Variants in CDH23 observed in about 807,000 individuals in gnomAD.
The protein encoded by CDH23 is cadherin-23.
In CDH23, 189 loss-of-function variants were observed where a neutral mutation model predicts 317.1. The observed-to-expected ratio is 0.60, with a 90% CI of 0.53 to 0.67. The LOEUF (loss-of-function observed/expected upper bound fraction) is 0.67, where lower values mean the gene tolerates loss of function less well. CDH23 is among the 30% of genes least tolerant of loss of function. CDH23 has a pLI of 0.00. For missense variants in CDH23, 4,401 were observed against 4,592.4 expected, an observed-to-expected ratio of 0.96 and a Z score of 1.20; for synonymous variants, 1,839 against 1,876.8, an observed-to-expected ratio of 0.98 and a Z score of 0.52.
intron 38 of CDH23, among the ~76,000 whole-genome samples, chr10:71,743,263 C>G (rs1199049393): frequency 4.6e-5 from 7 of 152,182 alleles, no homozygotes; most frequent in Non-Finnish European, 1.0e-4. Context: ...GTTTTGTAAT[C>G]TGTCTCCTGG....
chr10:71,668,045 A>G (rs964839124), intron 14 of CDH23, among the ~76,000 whole-genome samples: 5 of 152,096 alleles, frequency 3.3e-5, no homozygotes, highest in African/African-American at 4.8e-5. Context: ...GACCAAGACC[A>G]AGCCTGGGAT....
rs1293668670 is a variant in CDH23 at position 71,740,934 on chromosome 10, A to G, written c.4601A>G (p.Asn1534Ser). 7 of 1,613,794 alleles carry G rather than the reference A, an allele frequency of 4.3e-6. No homozygotes were observed. The African/African-American group carries it at 6.7e-5, about 15-fold the overall frequency. Residue 1534 changes from asparagine to serine, a missense_variant, in exon 37 of 70, where the codon AAT becomes AGT. Coordinates refer to ENST00000224721, the MANE Select transcript of CDH23 (RefSeq NM_022124.6). The part of the protein sequence containing the change: ...PPVIESPFGY[N>S]VSVNENVGGG... ...GTCATCGAGAGCCCCTTTGGATACAATGTCAGTGTGAATGAGGTGAGGGCA... is the reference window on the plus strand; with the variant it reads ...GTCATCGAGAGCCCCTTTGGATACAGTGTCAGTGTGAATGAGGTGAGGGCA...
chr10:71,764,389 T>C (rs1318496133), intron 38 of CDH23, among the ~76,000 whole-genome samples: 1 of 151,874 alleles, frequency 6.6e-6, no homozygotes, highest in Non-Finnish European at 1.5e-5. Flanking sequence ...CTCAGACACA[T>C]AGACACTATA....
intron 11 of CDH23, among the ~76,000 whole-genome samples, chr10:71,640,490 C>T (rs201777155): frequency 6.6e-6 from 1 of 152,354 alleles, no homozygotes; most frequent in East Asian, 1.9e-4. Flanking sequence ...TGGCTCACGC[C>T]TGTAATCCCA....
chr10:71,597,789 C>T (rs923198655), intron 9 of CDH23, among the ~76,000 whole-genome samples: 3 of 152,206 alleles, frequency 2.0e-5, no homozygotes, highest in Admixed American at 6.5e-5. Flanking sequence ...ATTTATCAGG[C>T]ACCTCTCGTA....
intron 3 of CDH23, among the ~76,000 whole-genome samples, chr10:71,470,705 C>A (rs1851466364): frequency 6.6e-6 from 1 of 152,064 alleles, no homozygotes; most frequent in African/African-American, 2.4e-5. Context: ...GTTGTCTGGG[C>A]TGGTCTAACT....
chr10:71,736,148 A>G (rs1167316198), intron 34 of CDH23, among the ~76,000 whole-genome samples: 2 of 152,182 alleles, frequency 1.3e-5, no homozygotes, highest in Non-Finnish European at 2.9e-5. Flanking sequence ...TTCGGAGCAC[A>G]CACTTCTGCC....
chr10:71,693,208 A>G (rs1865248884), intron 20 of CDH23, among the ~76,000 whole-genome samples: 1 of 152,168 alleles, frequency 6.6e-6, no homozygotes, highest in Admixed American at 6.5e-5. Flanking sequence ...TCCATATTCA[A>G]TACCACCAAG....
intron 28 of CDH23, among the ~76,000 whole-genome samples, chr10:71,718,847 A>T (rs1347281370): frequency 1.3e-5 from 2 of 151,996 alleles, no homozygotes; most frequent in Non-Finnish European, 2.9e-5. Flanking sequence ...CAGGAGGATC[A>T]CTTGAGCCCA....
chr10:71,690,618 C>A, intron 20 of CDH23, 34 bp downstream of exon 20: 1 of 1,457,202 alleles, frequency 6.9e-7, no homozygotes, highest in Non-Finnish European at 9.5e-7. Flanking sequence ...CCTGGTCCTC[C>A]ACACCCTGAG....
intron 3 of CDH23, among the ~76,000 whole-genome samples, 191 bp downstream of exon 3, chr10:71,446,586 G>C (rs535954072): frequency 6.6e-6 from 1 of 152,280 alleles, no homozygotes; most frequent in South Asian, 2.1e-4. Context: ...AGCTCTGAAC[G>C]TCAAAGGGTT....
rs762058026 is a variant in CDH23, at chr10:71,509,888, A to T, written c.146-194A>T. On this transcript the variant is annotated intron_variant, in intron 3 of 69. Transcript: ENST00000224721. ...TGATACCATCATGACACACTGTGAC[A>T]AGTGGACCAGGGTGGAGGTGGGGTA... is the stretch of plus-strand genomic sequence containing the variant. The T allele has an allele frequency of 2.3e-4, 140 of 607,138 alleles. 1 individual carries two copies. The highest frequency in any genetic ancestry group is 3.6e-4 in the Non-Finnish European group (122 of 338,332). 37.6% of individuals were successfully genotyped at this position (607,138 alleles called of 1,614,324 possible). A position where few individuals can be genotyped will look rare whatever the true frequency, so the allele number is the denominator to read the frequency against.
chr10:71,805,876 T>C lies in CDH23; in HGVS notation c.7943T>C (p.Val2648Ala). The change falls in exon 56 of 70, where the codon GTG becomes GCG. Residue 2648 changes from valine to alanine, a missense_variant. Physicochemically the swap from Val to Ala is moderately conservative, Grantham distance 64. Around this residue, in one of 3 missense-constraint regions of CDH23, gnomAD observed 1,144 missense variants for 1,138.2 expected, o/e 1.01. Transcript: ENST00000224721. The stretch of plus-strand genomic sequence containing the variant: ...AAGGATGAGGGCCTCAACGGGGCGG[T>C]GCGCTACAGCTTCCTGAAGACTGCG... ...TDKDEGLNGA[V>A]RYSFLKTAGN... 1 of 1,613,728 alleles carries C rather than the reference T, an allele frequency of 6.2e-7. No individual in the cohort carries two copies. Among genetic ancestry groups the C allele is most frequent in the East Asian group, 2.2e-5 (1 of 44,870 alleles).
At chr10:71,564,903 A>G (rs781522714) in intron 6 of CDH23, among the ~76,000 whole-genome samples, 1 of 152,282 alleles carries the variant, frequency 6.6e-6, no homozygotes, top group Non-Finnish European at 1.5e-5. Flanking sequence ...CAAGCTTCAG[A>G]GTGATCTATT....
chr10:71,610,120 C>T (rs763997012), intron 9 of CDH23, among the ~76,000 whole-genome samples: 12 of 152,170 alleles, frequency 7.9e-5, no homozygotes, highest in Non-Finnish European at 1.5e-4. Flanking sequence ...TTCTCCTGCT[C>T]AGCCTCCCGA....
intron 1 of CDH23, among the ~76,000 whole-genome samples, chr10:71,434,994 C>T (rs1032013450): frequency 6.6e-6 from 1 of 152,184 alleles, no homozygotes; most frequent in African/African-American, 2.4e-5. Context: ...TCTCACTGGG[C>T]TCGCTGAGTA....
intron 6 of CDH23, among the ~76,000 whole-genome samples, chr10:71,563,180 G>A (rs1857219738): frequency 6.6e-6 from 1 of 152,146 alleles, no homozygotes; most frequent in Non-Finnish European, 1.5e-5. Context: ...ATCCACTTGT[G>A]AGGCCTGGAG....
chr10:71,709,244 G>A, intron 27 of CDH23, 33 bp downstream of exon 27: 1 of 1,581,652 alleles, frequency 6.3e-7, no homozygotes, highest in East Asian at 2.3e-5. Context: ...CCAACACAGT[G>A]ATCTGGGCAG....
chr10:71,796,008 C>T (rs777566476), intron 48 of CDH23: 219 of 986,250 alleles, frequency 2.2e-4, no homozygotes, highest in Middle Eastern at 4.8e-4. Context: ...TCCCCATCCT[C>T]GCTCCCCAGC....
Sources: gnomAD v4.1 joint callset for allele counts (sites outside exome capture counted in the v4.1 genomes callset) on GRCh38, gnomAD v4.1.1 for gene constraint, gnomAD v4.1.1 regional missense constraint, MANE v1.5 for transcripts, NCBI Gene and HGNC (gene_info 2026-07-23, HGNC 2026-07-21) for gene names.